UNC93A: variants seen among roughly 807,000 people sequenced by gnomAD.
The protein encoded by UNC93A is unc-93 homolog A.
UNC93A carries 43 observed loss-of-function variants against 47.5 expected under a neutral mutation model. The observed-to-expected ratio is 0.91, with a 90% CI of 0.71 to 1.17. The LOEUF (loss-of-function observed/expected upper bound fraction) is 1.17, where lower values mean the gene tolerates loss of function less well. Ranked by LOEUF, UNC93A falls within the 50% of genes most tolerant of loss-of-function variation. UNC93A has a pLI of 0.00. For synonymous variants in UNC93A, 280 were observed against 258.0 expected (o/e 1.09, Z -0.82); for missense variants, 605 against 577.6 (o/e 1.05, Z -0.49).
intron 2 of UNC93A, 45 bp from the exon 3 acceptor site, chr6:167,295,987 C>T (rs762884552): frequency 1.3e-6 from 2 of 1,576,902 alleles, no homozygotes; most frequent in Non-Finnish European, 1.7e-6. Context: ...GTGCAATGGG[C>T]TTGCGTCTCC....
intron 7 of UNC93A, among the ~76,000 whole-genome samples, chr6:167,310,429 T>A (rs1448104858): frequency 6.6e-6 from 1 of 152,294 alleles, no homozygotes; most frequent in Non-Finnish European, 1.5e-5. Flanking sequence ...GAAAGCCTTG[T>A]TGAATTGTGC....
At chr6:167,281,400 T>C (rs1343458713) in intron 1 of UNC93A, among the ~76,000 whole-genome samples, 1 of 152,090 alleles carries the variant, frequency 6.6e-6, no homozygotes, top group Non-Finnish European at 1.5e-5. Flanking sequence ...TGAGAATGGA[T>C]TGGAGTTGAG....
intron 1 of UNC93A, among the ~76,000 whole-genome samples, chr6:167,273,554 A>C (rs1159056802): frequency 6.6e-6 from 1 of 152,172 alleles, no homozygotes; most frequent in East Asian, 1.9e-4. Flanking sequence ...AACTCTGTAA[A>C]ATATTGGAGA....
At chr6:167,304,241 C>A in intron 5 of UNC93A, 108 bp downstream of exon 5, 1 of 1,289,466 alleles carries the variant, frequency 7.8e-7, no homozygotes, top group Non-Finnish European at 1.1e-6. Context: ...CTGCCCAGGG[C>A]TGGGGCTGGA....
chr6:167,295,968 G>A, intron 2 of UNC93A, 64 bp from the exon 3 acceptor site: 2 of 1,488,656 alleles, frequency 1.3e-6, no homozygotes, highest in Non-Finnish European at 1.9e-6. Flanking sequence ...AAGAACTGCA[G>A]GGACATGGGT....
chr6:167,280,663 C>A (rs1043689779), intron 1 of UNC93A, among the ~76,000 whole-genome samples: 6 of 152,148 alleles, frequency 3.9e-5, no homozygotes, highest in Admixed American at 3.9e-4. Flanking sequence ...CTGGCTGGAA[C>A]CTGGCCAGAG....
At chr6:167,311,490 C>A (rs1318450910) in intron 7 of UNC93A, among the ~76,000 whole-genome samples, 6 of 152,246 alleles carry the variant, frequency 3.9e-5, no homozygotes, top group Non-Finnish European at 8.8e-5. Flanking sequence ...GGCAACCCTT[C>A]CCCGCCAATG....
chr6:167,308,030 C>T (rs535235739), intron 7 of UNC93A, 120 bp downstream of exon 7: 103 of 1,387,648 alleles, frequency 7.4e-5, no homozygotes, highest in East Asian at 6.0e-4. Context: ...TTGGGAGAGA[C>T]GGGAGGGCCA....
intron 6 of UNC93A, among the ~76,000 whole-genome samples, chr6:167,306,601 T>G (rs1396679902): frequency 6.6e-6 from 1 of 152,150 alleles, no homozygotes; most frequent in Non-Finnish European, 1.5e-5. Flanking sequence ...GCGCCTGGCA[T>G]GTCAATGCCC....
intron 3 of UNC93A, among the ~76,000 whole-genome samples, chr6:167,297,184 G>C (rs538720858): frequency 6.6e-6 from 1 of 152,298 alleles, no homozygotes; most frequent in South Asian, 2.1e-4. Context: ...TTCTTTCGAA[G>C]ACCTTTCTGC....
upstream of UNC93A, among the ~76,000 whole-genome samples, chr6:167,287,235 T>G (rs138807886): frequency 3.0e-4 from 46 of 152,224 alleles, no homozygotes; most frequent in Non-Finnish European, 5.1e-4. Flanking sequence ...AAAGTGCCAC[T>G]TGCTCCAGTT....
At chr6:167,288,449 T>TAA (rs368032657), upstream of UNC93A, among the ~76,000 whole-genome samples, 16 of 134,804 alleles carry the variant, frequency 1.2e-4, no homozygotes, top group African/African-American at 4.1e-4. Context: ...TGTTCTTCCT[T>TAA]ACACACACAC....
rs190928873 is a variant in UNC93A, at chr6:167,304,673, C to T, written c.840+540C>T. ...GCAACCTCTGCCTCCCAGGTTCAAG[C>T]GATTCTCCTGCCTCAGCCTCCCAAG... On this transcript the variant is annotated intron_variant, in intron 5 of 7. Transcript: ENST00000230256. Among the ~76,000 whole-genome samples, 232 of 152,146 alleles carry T rather than the reference C, an allele frequency of 1.5e-3. 1 individual carries two copies. The highest frequency in any genetic ancestry group is 0.014 in the Middle Eastern group (4 of 294).
At position 167,293,523 on chromosome 6, in the gene UNC93A, G is replaced by A. The variant is rs565620159; in HGVS notation, c.88-994G>A. ...CAACACAGAGTGTTCAGATAGAAGT[G>A]ACTCAGGATTGGTTTTGCCCCAGCA... On this transcript the variant is annotated intron_variant, in intron 1 of 7. Coordinates refer to ENST00000230256, the MANE Select transcript of UNC93A (RefSeq NM_018974.4). 1.3e-3 allele frequency among the ~76,000 whole-genome samples: 192 copies of A among 152,258 alleles called. 2 individuals are homozygous for A. Among genetic ancestry groups the A allele is most frequent in the African/African-American group, 4.4e-3 (182 of 41,542 alleles).
chr6:167,298,096 G>A, intron 4 of UNC93A, 26 bp downstream of exon 4: 1 of 1,609,040 alleles, frequency 6.2e-7, no homozygotes, highest in Non-Finnish European at 8.5e-7. Context: ...GCCCAGGGCA[G>A]GGTCCCTAGC....
chr6:167,269,223 T>C (rs1221188383), upstream of UNC93A, among the ~76,000 whole-genome samples: 1 of 152,200 alleles, frequency 6.6e-6, no homozygotes, highest in African/African-American at 2.4e-5. Context: ...GAGGCGCCCG[T>C]GCTGGCCAGA....
intron 4 of UNC93A, among the ~76,000 whole-genome samples, chr6:167,298,845 G>A (rs945591869): frequency 2.6e-4 from 40 of 151,424 alleles, no homozygotes; most frequent in Middle Eastern, 3.4e-3. Flanking sequence ...TGGGCATGGT[G>A]GCTCACACCT....
chr6:167,311,988 CT>C (rs1236116462), intron 7 of UNC93A, among the ~76,000 whole-genome samples: 2 of 150,788 alleles, frequency 1.3e-5, no homozygotes, highest in Non-Finnish European at 1.5e-5. Flanking sequence ...CACGAGGGTT[CT>C]TTTTTCTGTG....
chr6:167,273,988 G>C (rs147936245), intron 1 of UNC93A, among the ~76,000 whole-genome samples: 70 of 152,292 alleles, frequency 4.6e-4, no homozygotes, highest in African/African-American at 1.7e-3. Flanking sequence ...TTTCCTGGAT[G>C]AGGAAAAAGG....
Sources: allele counts gnomAD v4.1 joint callset (sites outside exome capture counted in the v4.1 genomes callset), GRCh38; gene constraint gnomAD v4.1.1; transcripts MANE v1.5; gene names NCBI Gene and HGNC (gene_info 2026-07-23, HGNC 2026-07-21).